PCDHGA5: variants seen among roughly 807,000 people sequenced by gnomAD.
PCDHGA5 encodes protocadherin gamma subfamily A, 5.
Under a neutral mutation model 56.7 loss-of-function variants are expected in PCDHGA5, and 36 were observed. The ratio of observed to expected loss-of-function variants is 0.64; its 90% CI spans 0.49 to 0.84. The LOEUF is 0.84. Among genes scored for constraint, PCDHGA5 ranks in the 40% least tolerant of loss-of-function variants. The probability of loss-of-function intolerance (pLI) is 0.00; values close to 1 mark genes in which losing one functional copy is unlikely to be tolerated. For missense variants in PCDHGA5, 1,305 were observed against 1,201.5 expected (o/e 1.09, Z -1.27); for synonymous variants, 563 against 520.2 (o/e 1.08, Z -1.12).
rs2097383403 is a variant in PCDHGA5 at position 141,431,483 on chromosome 5, T to C, written c.2422-63324T>C. On this transcript the variant is annotated intron_variant, in intron 1 of 3. Coordinates refer to ENST00000518069, the MANE Select transcript of PCDHGA5 (RefSeq NM_018918.3). This position sits in a 1 kb window ranked among gnomAD's most constrained non-coding sequence, Gnocchi z 4.8. ...GGATGCGAACGACAACGCACCAGCG[T>C]TTGCTCAGCCCGAGTACCGCGCGAG... 2 of 1,613,758 alleles carry C rather than the reference T, an allele frequency of 1.2e-6. No homozygotes were observed. The highest frequency in any genetic ancestry group is 2.7e-5 in the African/African-American group (2 of 74,938).
chr5:141,397,047 G>T (rs180929307), intron 1 of PCDHGA5, among the ~76,000 whole-genome samples: 4 of 152,276 alleles, frequency 2.6e-5, no homozygotes, highest in Admixed American at 2.0e-4. Flanking sequence ...TTATGTAAAT[G>T]AACTTATGAG....
intron 1 of PCDHGA5, chr5:141,418,485 A>G (rs1216502936): frequency 6.2e-7 from 1 of 1,614,028 alleles, no homozygotes; most frequent in South Asian, 1.1e-5. Context: ...AGCGCTCACC[A>G]CTTGGTACTG....
intron 1 of PCDHGA5, chr5:141,409,124 G>T: frequency 6.2e-7 from 1 of 1,613,940 alleles, no homozygotes. Context: ...CCAGTCATTT[G>T]ATTTTGAAGA....
chr5:141,417,682 AAAAG>A (rs2096147308), intron 1 of PCDHGA5: 2 of 1,035,494 alleles, frequency 1.9e-6, no homozygotes, highest in Non-Finnish European at 2.7e-6. Context: ...CCAACAACAG[AAAAG>A]AAAACCAGCT....
chr5:141,445,889 C>A (rs920382027), intron 1 of PCDHGA5, among the ~76,000 whole-genome samples: 6 of 152,110 alleles, frequency 3.9e-5, no homozygotes, highest in African/African-American at 1.4e-4. Context: ...TACTTAGGAG[C>A]TATTAAAATA....
chr5:141,427,956 C>T, intron 1 of PCDHGA5: 1 of 1,587,304 alleles, frequency 6.3e-7, no homozygotes, highest in African/African-American at 1.3e-5. Context: ...TGACAATGTG[C>T]CGCGGGTGCT....
intron 1 of PCDHGA5, chr5:141,383,837 C>G: frequency 6.2e-7 from 1 of 1,613,886 alleles, no homozygotes; most frequent in Non-Finnish European, 8.5e-7. Flanking sequence ...GAAGAAACTG[C>G]CTTCTATGAA....
chr5:141,423,759 G>GGC, intron 1 of PCDHGA5: 9 of 321,042 alleles, frequency 2.8e-5, no homozygotes, highest in Non-Finnish European at 3.6e-5. Context: ...TTGGGGGGGG[G>GGC]GTGGGGCGGC....
chr5:141,399,361 C>A (rs375619778), intron 1 of PCDHGA5: 1 of 1,613,960 alleles, frequency 6.2e-7, no homozygotes. Context: ...AGAGCAAACC[C>A]CGGAGTACAA....
chr5:141,489,275 A>C lies in PCDHGA5; in HGVS notation c.2422-5532A>C. On this transcript the variant is annotated intron_variant, in intron 1 of 3. Transcript: ENST00000518069. This position sits in a 1 kb window ranked among gnomAD's most constrained non-coding sequence, Gnocchi z 4.5. ...AAGACACTCCCACAGCTCGCTGGGA[A>C]ATGGCAAGTGCTGTGCATGTTGTCC... The C allele has an allele frequency of 4.5e-6, 7 of 1,556,298 alleles. No individual in the cohort carries two copies. Among genetic ancestry groups the C allele is most frequent in the Non-Finnish European group, 6.1e-6 (7 of 1,151,600 alleles).
At chr5:141,407,978 A>T (rs1354199341) in intron 1 of PCDHGA5, 8 of 743,974 alleles carry the variant, frequency 1.1e-5, no homozygotes, top group Non-Finnish European at 1.4e-5. Flanking sequence ...GACGCCGGGG[A>T]TCCGTCAGCC....
chr5:141,504,379 G>A lies in PCDHGA5; in HGVS notation c.2481-1014G>A, dbSNP rs181617363. On this transcript the variant is annotated intron_variant, in intron 2 of 3. Transcript: ENST00000518069. ...GCTTCAGTAGGAAGCAGGTGGAGTC[G>A]CTGCCTCACAGAAGCCAGTGTGGTG... Among the ~76,000 whole-genome samples the A allele has an allele frequency of 2.4e-3, 361 of 152,206 alleles. 1 individual carries two copies. The highest frequency in any genetic ancestry group is 0.021 in the Admixed American group (315 of 15,286).
At chr5:141,409,942 C>T (rs1168442761) in intron 1 of PCDHGA5, 4 of 1,613,284 alleles carry the variant, frequency 2.5e-6, no homozygotes, top group South Asian at 1.1e-5. Flanking sequence ...TGGTACCTCG[C>T]TCTGCAGAGC....
rs146235929 is a variant in PCDHGA5 at position 141,511,610 on chromosome 5, C to A, written c.*437C>A. On this transcript the variant is annotated 3_prime_UTR_variant, in exon 4 of 4. Transcript: ENST00000518069. ...GAAGTACCAAGTAACCTACAAGCCT[C>A]CTAGTTCTGAAAAGTTGGAAGGGCA... 1.0e-3 allele frequency: 247 copies of A among 237,682 alleles called. 1 individual carries two copies. The highest frequency in any genetic ancestry group is 5.2e-3 in the African/African-American group (235 of 45,400). The allele number at this position is 237,682 out of a possible 1,614,324, so 14.7% of individuals were successfully genotyped here. A position where few individuals can be genotyped will look rare whatever the true frequency, so the allele number is the denominator to read the frequency against.
intron 1 of PCDHGA5, chr5:141,403,607 G>T: frequency 6.2e-7 from 1 of 1,613,858 alleles, no homozygotes; most frequent in Non-Finnish European, 8.5e-7. Flanking sequence ...GGATGGCGGC[G>T]AGCCGCGTCG....
intron 1 of PCDHGA5, chr5:141,415,739 G>GT (rs1561759437): frequency 3.9e-5 from 17 of 435,138 alleles, no homozygotes; most frequent in African/African-American, 2.3e-4. Flanking sequence ...TGTTTATTAA[G>GT]GTTTTTTTTT....
In PCDHGA5 at chr5:141,491,856, C is replaced by A. The variant is rs754113958; in HGVS notation, c.2422-2951C>A. On this transcript the variant is annotated intron_variant, in intron 1 of 3. Coordinates refer to ENST00000518069, the MANE Select transcript of PCDHGA5 (RefSeq NM_018918.3). This position sits in a 1 kb window ranked among gnomAD's most constrained non-coding sequence, Gnocchi z 6.9. ...TCTCGGGATCATTGGACCGTTTGCG[C>A]GAAACCAGAGTGGCCGATTAAGGGA... 6.9e-7 allele frequency: 1 copy of A among 1,458,728 alleles called. No individual in the cohort carries two copies. The highest frequency in any genetic ancestry group is 9.1e-7 in the Non-Finnish European group (1 of 1,103,072). The allele number at this position is 1,458,728 out of a possible 1,614,324, so 90.4% of individuals were successfully genotyped here. A position where few individuals can be genotyped will look rare whatever the true frequency, so the allele number is the denominator to read the frequency against.
chr5:141,407,732 A>G (rs1294403186), intron 1 of PCDHGA5, among the ~76,000 whole-genome samples: 3 of 152,242 alleles, frequency 2.0e-5, no homozygotes, highest in Non-Finnish European at 4.4e-5. Flanking sequence ...AAGGTTCACT[A>G]TATATACTCC....
At chr5:141,404,882 G>T (rs1380203392) in intron 1 of PCDHGA5, 3 of 1,613,772 alleles carry the variant, frequency 1.9e-6, no homozygotes, top group Non-Finnish European at 2.5e-6. Context: ...GAGCCTTGTG[G>T]TGGCTGTACA....
Sources: allele counts gnomAD v4.1 joint callset (sites outside exome capture counted in the v4.1 genomes callset), GRCh38; gene constraint gnomAD v4.1.1; non-coding constraint Gnocchi (gnomAD v3.1); transcripts MANE v1.5; gene names NCBI Gene and HGNC (gene_info 2026-07-23, HGNC 2026-07-21).